Variants in YBEY observed in about 807,000 individuals in gnomAD.
The protein encoded by YBEY is ybeY metalloendoribonuclease.
In YBEY, 15 loss-of-function variants were observed where a neutral mutation model predicts 13.5. The ratio of observed to expected loss-of-function variants is 1.11; its 90% CI spans 0.75 to 1.72. The LOEUF (loss-of-function observed/expected upper bound fraction) is 1.72, where lower values mean the gene tolerates loss of function less well. Ranked by LOEUF, YBEY falls within the 40% of genes most tolerant of loss-of-function variation. The probability of loss-of-function intolerance (pLI) is 0.00; values close to 1 mark genes in which losing one functional copy is unlikely to be tolerated. For synonymous variants in YBEY, 101 were observed against 83.1 expected (o/e 1.21, Z -1.17); for missense variants, 244 against 208.4 (o/e 1.17, Z -1.05).
chr21:46,289,637 A>G (rs374573711), intron 2 of YBEY, among the ~76,000 whole-genome samples: 2 of 151,242 alleles, frequency 1.3e-5, no homozygotes, highest in East Asian at 3.9e-4. Context: ...TATTTTTAGT[A>G]AAGTTGGGGT....
At chr21:46,300,392 T>C (rs544191176), downstream of YBEY, 3 of 178,826 alleles carry the variant, frequency 1.7e-5, no homozygotes, top group East Asian at 1.6e-4. Flanking sequence ...GATCGCTCCA[T>C]TGCACTCCAG....
At chr21:46,288,216 C>T (rs2081544041) in intron 2 of YBEY, among the ~76,000 whole-genome samples, 1 of 152,144 alleles carries the variant, frequency 6.6e-6, no homozygotes, top group South Asian at 2.1e-4. Context: ...TTCCAACAAA[C>T]TCAATGTAAT....
At chr21:46,304,998 C>G in the YBEY span, among the ~76,000 whole-genome samples, 1 of 152,306 alleles carries the variant, frequency 6.6e-6, no homozygotes, top group Middle Eastern at 3.4e-3. Flanking sequence ...ACAGCGAACA[C>G]AGTCAGACTC....
At chr21:46,304,426 C>G in the YBEY span, among the ~76,000 whole-genome samples, 1 of 151,344 alleles carries the variant, frequency 6.6e-6, no homozygotes, top group Non-Finnish European at 1.5e-5. Context: ...GTTGAGGCTG[C>G]AGCGAGGTAT....
At chr21:46,287,166 A>G in intron 2 of YBEY, 43 bp downstream of exon 2, 4 of 1,524,888 alleles carry the variant, frequency 2.6e-6, no homozygotes, top group Non-Finnish European at 3.5e-6. Context: ...CCATCTTCCC[A>G]GAGTAAATTT....
At chr21:46,298,416 A>G (rs1480301939), downstream of YBEY, among the ~76,000 whole-genome samples, 1 of 131,876 alleles carries the variant, frequency 7.6e-6, no homozygotes, top group Non-Finnish European at 1.7e-5. Context: ...CAGAAAATGG[A>G]GTCAGCTTTA....
At chr21:46,290,495 C>T (rs1485237892) in intron 2 of YBEY, among the ~76,000 whole-genome samples, 5 of 152,002 alleles carry the variant, frequency 3.3e-5, no homozygotes, top group African/African-American at 9.7e-5. Context: ...TGAGCCACCA[C>T]GCCTGGCTAT....
the YBEY span, among the ~76,000 whole-genome samples, chr21:46,304,903 A>G: frequency 6.6e-6 from 1 of 152,250 alleles, no homozygotes; most frequent in Non-Finnish European, 1.5e-5. Flanking sequence ...ACCTGCTGCA[A>G]TGTGGGTGAT....
chr21:46,302,161 C>T (rs1243746366), downstream of YBEY: 18 of 1,473,378 alleles, frequency 1.2e-5, no homozygotes, highest in Admixed American at 4.7e-5. Flanking sequence ...GGTCCTGCCA[C>T]AGACGCACCT....
At chr21:46,302,524 C>A (rs776873716), downstream of YBEY, 2 of 1,612,526 alleles carry the variant, frequency 1.2e-6, no homozygotes, top group East Asian at 4.5e-5. Context: ...TCCAGTTCTG[C>A]AGGACCAACT....
the YBEY span, among the ~76,000 whole-genome samples, chr21:46,303,677 TACAC>T: frequency 0.18 from 5,759 of 31,934 alleles, 870 homozygotes; most frequent in African/African-American, 0.25. Flanking sequence ...ACCTCATCTC[TACAC>T]ACACACACAC....
chr21:46,291,216 A>AAG (rs371481603), intron 2 of YBEY, 118 bp from the exon 3 acceptor site: 10,143 of 912,496 alleles, frequency 0.011, 388 homozygotes, highest in Non-Finnish European at 0.012. Flanking sequence ...AAAAAAAAAA[A>AAG]GTGATTTGGC....
At chr21:46,295,701 A>G (rs916600141) in intron 3 of YBEY, among the ~76,000 whole-genome samples, 2 of 132,634 alleles carry the variant, frequency 1.5e-5, no homozygotes, top group Non-Finnish European at 3.2e-5. Context: ...GTTCAGTAAA[A>G]TCAGGGGCCA....
chr21:46,312,447 T>C, the YBEY span, among the ~76,000 whole-genome samples: 1 of 152,032 alleles, frequency 6.6e-6, no homozygotes, highest in Admixed American at 6.6e-5. Context: ...GCCTCCCGAG[T>C]AGCTGGGATT....
At chr21:46,296,313 A>T (rs1330400244) in intron 4 of YBEY, 83 bp downstream of exon 4, 1 of 1,429,422 alleles carries the variant, frequency 7.0e-7, no homozygotes, top group Non-Finnish European at 9.3e-7. Context: ...CCCACCCTCC[A>T]TCTTGACCGC....
At chr21:46,304,933 A>G in the YBEY span, among the ~76,000 whole-genome samples, 1 of 152,224 alleles carries the variant, frequency 6.6e-6, no homozygotes, top group Non-Finnish European at 1.5e-5. Context: ...CATCACACTA[A>G]GCGAAATAAG....
intron 3 of YBEY, among the ~76,000 whole-genome samples, chr21:46,295,845 C>T (rs2081936125): frequency 6.6e-6 from 1 of 152,042 alleles, no homozygotes; most frequent in Non-Finnish European, 1.5e-5. Context: ...CACCCCTCCC[C>T]ACTTCTTCAT....
chr21:46,291,990 A>G (rs56693387), intron 3 of YBEY: 44,024 of 385,246 alleles, frequency 0.11, 2,780 homozygotes, highest in African/African-American at 0.16. Context: ...CAGAGGCTAC[A>G]GTTTCTACAG....
At chr21:46,293,109 T>C (rs371212913) in intron 3 of YBEY, among the ~76,000 whole-genome samples, 12 of 36,626 alleles carry the variant, frequency 3.3e-4, no homozygotes, top group East Asian at 2.3e-3. Flanking sequence ...CTCCCGCGGT[T>C]AGCCTGACCC....
Sources: gnomAD v4.1 joint callset for allele counts (sites outside exome capture counted in the v4.1 genomes callset) on GRCh38, gnomAD v4.1.1 for gene constraint, MANE v1.5 for transcripts, NCBI Gene and HGNC (gene_info 2026-07-23, HGNC 2026-07-21) for gene names.